The following NEK10 variants were observed in gnomAD, a reference collection of about 807,000 sequenced individuals.
NEK10 encodes the protein serine/threonine-protein kinase Nek10.
In NEK10, 122 loss-of-function variants were observed where a neutral mutation model predicts 159.8. The ratio of observed to expected loss-of-function variants is 0.76; its 90% CI spans 0.66 to 0.89. NEK10 has a LOEUF of 0.89. NEK10 is among the 40% of genes least tolerant of loss of function. NEK10 has a pLI of 0.00. For synonymous variants in NEK10, 466 were observed against 457.1 expected (o/e 1.02, Z -0.25); for missense variants, 1,342 against 1,323.1 (o/e 1.01, Z -0.22).
Position 27,177,388 on chromosome 3 carries a change from C to A in NEK10, c.2506-2555G>T, listed in dbSNP as rs534602047. 2.3e-4 allele frequency among the ~76,000 whole-genome samples: 35 copies of A among 151,616 alleles called. No individual in the cohort carries two copies. The East Asian group carries it at 5.5e-3, about 24-fold the overall frequency. On this transcript the variant is annotated intron_variant, in intron 26 of 35. Transcript: ENST00000691995. The stretch of plus-strand genomic sequence containing the variant: ...GAAACCCTGTCTCTACTAAAAAATA[C>A]AAAAAAATTAGCCGGGCATGGTGGT...
intron 20 of NEK10, among the ~76,000 whole-genome samples, chr3:27,285,780 C>A (rs1227359010): frequency 6.6e-6 from 1 of 152,100 alleles, no homozygotes; most frequent in Non-Finnish European, 1.5e-5. Context: ...GAATCATGTT[C>A]TGTAATTTAT....
chr3:27,183,923 G>C (rs1948375677), intron 26 of NEK10, among the ~76,000 whole-genome samples: 1 of 152,120 alleles, frequency 6.6e-6, no homozygotes, highest in Non-Finnish European at 1.5e-5. Flanking sequence ...AAATCGGAAA[G>C]ACTGACAATA....
At chr3:27,168,742 T>C (rs1419421930) in intron 29 of NEK10, among the ~76,000 whole-genome samples, 1 of 152,202 alleles carries the variant, frequency 6.6e-6, no homozygotes, top group Non-Finnish European at 1.5e-5. Flanking sequence ...CATGGCACAA[T>C]TTTACAAATG....
intron 6 of NEK10, among the ~76,000 whole-genome samples, chr3:27,319,348 A>G (rs1181998650): frequency 2.6e-5 from 4 of 152,162 alleles, no homozygotes; most frequent in Admixed American, 2.0e-4. Flanking sequence ...CATTCCTTCC[A>G]GTCTTTCCTG....
intron 30 of NEK10, among the ~76,000 whole-genome samples, chr3:27,160,489 A>ATTT (rs1433025990): frequency 6.6e-6 from 1 of 152,228 alleles, no homozygotes; most frequent in East Asian, 1.9e-4. Context: ...TAAAGTTCTC[A>ATTT]TTTTCTGACA....
chr3:27,344,638 C>A (rs1575842837), intron 4 of NEK10, among the ~76,000 whole-genome samples: 3 of 152,220 alleles, frequency 2.0e-5, no homozygotes, highest in Admixed American at 2.0e-4. Context: ...TTATCATATT[C>A]ATTAAATTAT....
At chr3:27,221,638 G>C (rs139636571) in intron 23 of NEK10, among the ~76,000 whole-genome samples, 22 of 152,332 alleles carry the variant, frequency 1.4e-4, no homozygotes, top group African/African-American at 4.8e-4. Flanking sequence ...CAGGACCCTA[G>C]ACAGTTACAA....
intron 6 of NEK10, among the ~76,000 whole-genome samples, chr3:27,319,425 C>T (rs1020930813): frequency 6.6e-6 from 1 of 152,202 alleles, no homozygotes; most frequent in Non-Finnish European, 1.5e-5. Context: ...TACAAGCCAC[C>T]AGTTTGCAAC....
intron 23 of NEK10, among the ~76,000 whole-genome samples, chr3:27,220,018 G>T (rs527486445): frequency 6.6e-6 from 1 of 152,208 alleles, no homozygotes. Context: ...AACAAAGAAA[G>T]TACATGACTT....
At chr3:27,145,144 A>AC (rs1944177573) in intron 30 of NEK10, among the ~76,000 whole-genome samples, 1 of 152,010 alleles carries the variant, frequency 6.6e-6, no homozygotes, top group Admixed American at 6.6e-5. Context: ...CAAAAAAAAA[A>AC]AGCAGCATAT....
At chr3:27,156,929 GATATAT>G (rs4016654) in intron 30 of NEK10, among the ~76,000 whole-genome samples, 3,800 of 28,046 alleles carry the variant, frequency 0.14, 250 homozygotes, top group African/African-American at 0.16. Flanking sequence ...TAAAGAAACT[GATATAT>G]ATATATATAT....
chr3:27,222,207 T>C (rs1211877584), intron 23 of NEK10, among the ~76,000 whole-genome samples: 2 of 152,110 alleles, frequency 1.3e-5, no homozygotes, highest in African/African-American at 4.8e-5. Context: ...ACCCCGTCTC[T>C]ACTAAAAATA....
chr3:27,143,488 C>T (rs1943984634), intron 30 of NEK10: 2 of 758,484 alleles, frequency 2.6e-6, no homozygotes, highest in African/African-American at 3.4e-5. Flanking sequence ...AATACAAAAA[C>T]AAAGAGTTAG....
intron 5 of NEK10, among the ~76,000 whole-genome samples, chr3:27,329,944 G>A (rs1401691326): frequency 5.3e-5 from 8 of 152,104 alleles, no homozygotes; most frequent in African/African-American, 9.6e-5. Context: ...GGACACCCAC[G>A]GTTACCAAAA....
At chr3:27,288,753 A>G (rs1215498770) in intron 19 of NEK10, among the ~76,000 whole-genome samples, 1 of 152,188 alleles carries the variant, frequency 6.6e-6, no homozygotes, top group African/African-American at 2.4e-5. Context: ...GTTTTTGCTT[A>G]TAATTTGAGT....
intron 23 of NEK10, among the ~76,000 whole-genome samples, chr3:27,214,388 G>A (rs1011962763): frequency 6.6e-6 from 1 of 151,972 alleles, no homozygotes; most frequent in Admixed American, 6.6e-5. Flanking sequence ...ATAATTTCTA[G>A]GTAAAAGTTA....
intron 22 of NEK10, among the ~76,000 whole-genome samples, 189 bp downstream of exon 22, chr3:27,284,413 A>C (rs1027106225): frequency 7.2e-5 from 11 of 152,138 alleles, no homozygotes; most frequent in African/African-American, 2.4e-4. Flanking sequence ...TTAAAATTTA[A>C]GATGTATTTC....
Position 27,106,876 on chromosome 3 carries a change from G to A in NEK10, c.*4396C>T, listed in dbSNP as rs904834717. Among the ~76,000 whole-genome samples the A allele has an allele frequency of 6.6e-6, 1 of 152,160 alleles. No individual in the cohort carries two copies. Among genetic ancestry groups the A allele is most frequent in the African/African-American group, 2.4e-5 (1 of 41,434 alleles). On this transcript the variant is annotated 3_prime_UTR_variant, in exon 36 of 36. Transcript: ENST00000691995. Reference sequence around the variant, plus strand: ...TCTATCTTTGTTTAGGAGAAAGAAAGGTAAGCTATTTCCAAATGACAGCAT... The same window carrying A: ...TCTATCTTTGTTTAGGAGAAAGAAAAGTAAGCTATTTCCAAATGACAGCAT...
intron 22 of NEK10, among the ~76,000 whole-genome samples, chr3:27,267,602 C>T (rs2041006446): frequency 1.3e-5 from 2 of 152,104 alleles, no homozygotes. Flanking sequence ...TGGGACACTA[C>T]AAACCATGCG....
Sources: allele counts gnomAD v4.1 joint callset (sites outside exome capture counted in the v4.1 genomes callset), GRCh38; gene constraint gnomAD v4.1.1; transcripts MANE v1.5; gene names NCBI Gene and HGNC (gene_info 2026-07-23, HGNC 2026-07-21).